UNKL: variants seen among roughly 807,000 people sequenced by gnomAD.
The protein encoded by UNKL is putative E3 ubiquitin-protein ligase UNKL.
A neutral mutation model predicts 78.0 loss-of-function variants in UNKL; 60 were observed. The ratio of observed to expected loss-of-function variants is 0.77; its 90% CI spans 0.63 to 0.95. UNKL has a LOEUF of 0.95. Among genes scored for constraint, UNKL ranks in the 40% least tolerant of loss-of-function variants. The probability of loss-of-function intolerance (pLI) is 0.00; values close to 1 mark genes in which losing one functional copy is unlikely to be tolerated. For missense variants in UNKL, 1,159 were observed against 1,045.7 expected (o/e 1.11, Z -1.49); for synonymous variants, 608 against 474.8 (o/e 1.28, Z -3.65).
At chr16:1,383,311 C>A (rs1047618531) in intron 10 of UNKL, among the ~76,000 whole-genome samples, 2 of 151,360 alleles carry the variant, frequency 1.3e-5, no homozygotes, top group African/African-American at 4.9e-5. Flanking sequence ...AAAACAAAAC[C>A]CACACACACA....
intron 6 of UNKL, chr16:1,395,592 G>T (rs916654573): frequency 2.3e-6 from 1 of 434,514 alleles, no homozygotes; most frequent in Non-Finnish European, 4.7e-6. Flanking sequence ...CTCCATCTCA[G>T]GCTGCCCCTT....
At chr16:1,405,885 C>A in intron 2 of UNKL, 1 of 454,144 alleles carries the variant, frequency 2.2e-6, no homozygotes, top group Non-Finnish European at 4.4e-6. Context: ...AGAAGCTGCC[C>A]TTCCCTCAGG....
In UNKL at chr16:1,366,017, C is replaced by G. The variant is rs534527638; in HGVS notation, c.*223G>C. ...GCATTTAAGGTTTTTGAGGAAAATACCTTGAAACCGTCGGTAGGACTAGAT... is the reference window on the plus strand; with the variant it reads ...GCATTTAAGGTTTTTGAGGAAAATAGCTTGAAACCGTCGGTAGGACTAGAT... On this transcript the variant is annotated 3_prime_UTR_variant, in exon 15 of 15. Coordinates refer to ENST00000389221, the MANE Select transcript of UNKL (RefSeq NM_001372107.1). 1.6e-4 allele frequency: 77 copies of G among 472,948 alleles called. No homozygotes were observed. The highest frequency in any genetic ancestry group is 2.6e-4 in the Non-Finnish European group (74 of 280,296). The allele number at this position is 472,948 out of a possible 1,614,324, so 29.3% of individuals were successfully genotyped here.
chr16:1,409,244 G>A (rs771414506), intron 2 of UNKL, among the ~76,000 whole-genome samples: 2 of 152,172 alleles, frequency 1.3e-5, no homozygotes, highest in Non-Finnish European at 2.9e-5. Flanking sequence ...ATGAACTAAA[G>A]AAAAGGAAGG....
At chr16:1,398,504 G>T in intron 5 of UNKL, 1 of 1,272,462 alleles carries the variant, frequency 7.9e-7, no homozygotes. Context: ...ATAACAACAA[G>T]GAGTGGGGCG....
At chr16:1,400,417 CAAAAAAAAAAAAA>C (rs56093103) in intron 4 of UNKL, among the ~76,000 whole-genome samples, 1 of 30,760 alleles carries the variant, frequency 3.3e-5, no homozygotes, top group African/African-American at 8.9e-5. Flanking sequence ...GACTCCATCT[CAAAAAAAAAAAAA>C]AAAAAAAAAA....
In UNKL at chr16:1,387,936, C is replaced by T. The variant is rs182649826; in HGVS notation, c.1087-2551G>A. Among the ~76,000 whole-genome samples the T allele has an allele frequency of 6.6e-4, 101 of 152,260 alleles. No homozygotes were observed. The highest frequency in any genetic ancestry group is 2.2e-3 in the African/African-American group (91 of 41,538). On this transcript the variant is annotated intron_variant, in intron 9 of 14. Coordinates refer to ENST00000389221, the MANE Select transcript of UNKL (RefSeq NM_001372107.1). This position sits in a 1 kb window ranked among gnomAD's most constrained non-coding sequence, Gnocchi z 4.1. The stretch of plus-strand genomic sequence containing the variant: ...CTGAGGTTCCCCATGTCCTGACCCA[C>T]CAGTAGCCTAGAGGCCACCGCCCGG...
intron 6 of UNKL, among the ~76,000 whole-genome samples, chr16:1,396,609 C>G (rs901813973): frequency 2.7e-5 from 4 of 150,808 alleles, no homozygotes; most frequent in African/African-American, 9.8e-5. Flanking sequence ...TCTTTTTTTT[C>G]CTGAGGCAGA....
At chr16:1,368,775 C>T (rs561048433) in intron 12 of UNKL, among the ~76,000 whole-genome samples, 22 of 152,110 alleles carry the variant, frequency 1.4e-4, no homozygotes, top group African/African-American at 5.3e-4. Context: ...GTAGCAGGTA[C>T]CTGTGATCCC....
chr16:1,380,041 C>A (rs1373997720), intron 10 of UNKL, among the ~76,000 whole-genome samples: 1 of 152,216 alleles, frequency 6.6e-6, no homozygotes, highest in Non-Finnish European at 1.5e-5. Context: ...CCCTGCAGGA[C>A]CCTCCTCCCT....
Position 1,401,382 on chromosome 16 carries a change from C to T in UNKL, c.598+186G>A, listed in dbSNP as rs555942423. On this transcript the variant is annotated intron_variant, in intron 4 of 14. Coordinates refer to ENST00000389221, the MANE Select transcript of UNKL (RefSeq NM_001372107.1). ...GCAGGTGCGGGGGAAGGCGCCTGGG[C>T]CCAAATCCCACTCGGCACCCACCCC... The T allele has an allele frequency of 2.6e-4, 182 of 703,438 alleles. 7 individuals carry two copies. The South Asian group carries it at 6.7e-3, about 26-fold the overall frequency. 43.6% of individuals were successfully genotyped at this position (703,438 alleles called of 1,614,324 possible). A position where few individuals can be genotyped will look rare whatever the true frequency, so the allele number is the denominator to read the frequency against.
intron 8 of UNKL, among the ~76,000 whole-genome samples, chr16:1,390,978 C>T (rs2037022633): frequency 6.6e-6 from 1 of 151,866 alleles, no homozygotes; most frequent in Non-Finnish European, 1.5e-5. Context: ...TGCAGTGAGC[C>T]GAGATGGCAC....
rs1209322926 is a variant in UNKL at position 1,383,103 on chromosome 16, C to CAAAA, written c.1264+2101_1264+2104dup. 2.1e-3 allele frequency among the ~76,000 whole-genome samples: 150 copies of CAAAA among 73,142 alleles called. 3 individuals carry two copies. Among genetic ancestry groups the CAAAA allele is most frequent in the African/African-American group, 5.8e-3 (127 of 22,034 alleles). 48.0% of individuals were successfully genotyped at this position (73,142 alleles called of 152,430 possible). ...TAAAACCCGATCTCTACTAAAAATA[C>CAAAA]AAAAAAAAAAAAAAAAAAATTAGCC... On this transcript the variant is annotated intron_variant, in intron 10 of 14. Transcript: ENST00000389221.
At position 1,367,331 on chromosome 16, in the gene UNKL, G is replaced by T; in HGVS notation, c.1807C>A (p.Arg603=). 5 of 1,545,552 alleles carry T rather than the reference G, an allele frequency of 3.2e-6. No homozygotes were observed. The highest frequency in any genetic ancestry group is 3.5e-6 in the Non-Finnish European group (4 of 1,150,180). Residue 603 remains arginine (R), a synonymous_variant, in exon 14 of 15, where the codon CGA becomes AGA. Coordinates refer to ENST00000389221, the MANE Select transcript of UNKL (RefSeq NM_001372107.1). Reference sequence around the variant, plus strand: ...CGCTCCTTGGCCTCCTGCGCCTCTCGCTGCCAGGCATCGCAGACCTGAAAC... The same window carrying T: ...CGCTCCTTGGCCTCCTGCGCCTCTCTCTGCCAGGCATCGCAGACCTGAAAC... The part of the protein sequence containing the change: ...QVKQVCDAWQ[R]EAQEAKERAR...
intron 6 of UNKL, 40 bp from the exon 7 acceptor site, chr16:1,394,255 G>T (rs1262087585): frequency 6.5e-7 from 1 of 1,544,630 alleles, no homozygotes; most frequent in Non-Finnish European, 8.8e-7. Flanking sequence ...GATTGGAAAT[G>T]GGATTCTGTG....
chr16:1,383,794 G>A (rs1005050576), intron 10 of UNKL: 21 of 444,146 alleles, frequency 4.7e-5, no homozygotes, highest in African/African-American at 3.8e-4. Context: ...CAAGTCCCCA[G>A]AGTGTGTCCA....
rs184968596 is a variant in UNKL, at chr16:1,388,907, A to G, written c.1086+1725T>C. Among the ~76,000 whole-genome samples, 3 of 152,326 alleles carry G rather than the reference A, an allele frequency of 2.0e-5. No individual in the cohort carries two copies. The East Asian group carries it at 5.8e-4, about 29-fold the overall frequency. On this transcript the variant is annotated intron_variant, in intron 9 of 14. Coordinates refer to ENST00000389221, the MANE Select transcript of UNKL (RefSeq NM_001372107.1). ...TTTCTTCTCTGTATTATAGTGAAAT[A>G]TAATATAAAATTTGCTACAGTGGCC...
At chr16:1,367,613 GCCCT>G in intron 13 of UNKL, 39 bp downstream of exon 13, 1 of 1,340,782 alleles carries the variant, frequency 7.5e-7, no homozygotes, top group Non-Finnish European at 9.9e-7. Context: ...GTCCCCTGCG[GCCCT>G]CCCTCCCCCT....
chr16:1,366,130 C>T lies in UNKL; in HGVS notation c.*110G>A. 1 of 1,306,480 alleles carries T rather than the reference C, an allele frequency of 7.7e-7. No homozygotes were observed. The highest frequency in any genetic ancestry group is 1.8e-5 in the South Asian group (1 of 54,448). 80.9% of individuals were successfully genotyped at this position (1,306,480 alleles called of 1,614,324 possible). A position where few individuals can be genotyped will look rare whatever the true frequency, so the allele number is the denominator to read the frequency against. ...GATAACGTGTAACAGGAAGGGCTCC[C>T]AGCCTCGGTCCTCACGTCGGTGGCA... On this transcript the variant is annotated 3_prime_UTR_variant, in exon 15 of 15. Transcript: ENST00000389221.
Sources: gnomAD v4.1 joint callset for allele counts (sites outside exome capture counted in the v4.1 genomes callset) on GRCh38, gnomAD v4.1.1 for gene constraint, Gnocchi (gnomAD v3.1) non-coding constraint, MANE v1.5 for transcripts, NCBI Gene and HGNC (gene_info 2026-07-23, HGNC 2026-07-21) for gene names.